ATP9B: variants seen among roughly 807,000 people sequenced by gnomAD.
The protein encoded by ATP9B is ATPase phospholipid transporting 9B, also known as probable phospholipid-transporting ATPase IIB.
Under a neutral mutation model 146.1 loss-of-function variants are expected in ATP9B, and 110 were observed. That is an observed-to-expected ratio of 0.75 (90% CI 0.65 to 0.88). The LOEUF is 0.88. ATP9B is among the 40% of genes least tolerant of loss of function. The probability of loss-of-function intolerance (pLI) is 0.00; values close to 1 mark genes in which losing one functional copy is unlikely to be tolerated. For synonymous variants in ATP9B, 604 were observed against 569.7 expected, an observed-to-expected ratio of 1.06 and a Z score of -0.86; for missense variants, 1,499 against 1,496.4, an observed-to-expected ratio of 1.00 and a Z score of -0.03.
chr18:79,275,721 G>A (rs1320986894), intron 12 of ATP9B, among the ~76,000 whole-genome samples: 1 of 152,236 alleles, frequency 6.6e-6, no homozygotes, highest in African/African-American at 2.4e-5. Context: ...GCTGTGTCCG[G>A]CCTTGAGTGT....
intron 4 of ATP9B, chr18:79,117,278 C>T (rs1213785154): frequency 2.0e-5 from 3 of 152,130 alleles, no homozygotes; most frequent in Non-Finnish European, 4.4e-5. Context: ...AAATCCTGTT[C>T]TAATAGAACT....
chr18:79,190,083 A>G (rs921965420), intron 8 of ATP9B, among the ~76,000 whole-genome samples: 8 of 152,188 alleles, frequency 5.3e-5, no homozygotes, highest in Non-Finnish European at 1.0e-4. Context: ...CCGGGAGCAC[A>G]GTGTGTACTG....
At chr18:79,142,964 G>A (rs2094532062) in intron 5 of ATP9B, among the ~76,000 whole-genome samples, 1 of 152,180 alleles carries the variant, frequency 6.6e-6, no homozygotes, top group East Asian at 1.9e-4. Context: ...ATTTTCCCTT[G>A]TTAGGACAGT....
chr18:79,173,205 A>T (rs556169118), intron 7 of ATP9B, among the ~76,000 whole-genome samples: 4 of 152,250 alleles, frequency 2.6e-5, no homozygotes, highest in African/African-American at 9.6e-5. Context: ...TGATATTGAG[A>T]GTTCTTTATA....
chr18:79,326,428 C>T, intron 15 of ATP9B, among the ~76,000 whole-genome samples: 1 of 144,952 alleles, frequency 6.9e-6, no homozygotes, highest in Non-Finnish European at 1.5e-5. Context: ...TCCCTCCCCT[C>T]ACATGGTGTT....
Position 79,253,366 on chromosome 18 carries a change from G to T in ATP9B, c.1108-15G>T. The T allele has an allele frequency of 6.2e-7, 1 of 1,603,900 alleles. No homozygotes were observed. The highest frequency in any genetic ancestry group is 8.5e-7 in the Non-Finnish European group (1 of 1,176,838). Reference sequence around the variant, plus strand: ...TGTGGTTAGCTTGTTCATGTATTATGTGTTTTTCTTTCAGGTTGGTTTGTT... The same window carrying T: ...TGTGGTTAGCTTGTTCATGTATTATTTGTTTTTCTTTCAGGTTGGTTTGTT... On this transcript the variant is annotated splice_polypyrimidine_tract_variant and intron_variant, in intron 11 of 29. Transcript: ENST00000426216.
At chr18:79,094,326 G>A (rs1599488314) in intron 1 of ATP9B, among the ~76,000 whole-genome samples, 3 of 152,206 alleles carry the variant, frequency 2.0e-5, no homozygotes, top group Admixed American at 6.5e-5. Context: ...TTTCTCCACT[G>A]TCTGGTTTAT....
At chr18:79,139,388 G>C (rs972261769) in intron 5 of ATP9B, among the ~76,000 whole-genome samples, 4 of 152,158 alleles carry the variant, frequency 2.6e-5, no homozygotes, top group African/African-American at 9.7e-5. Flanking sequence ...TTTGCAGCAG[G>C]ATGTTTTATA....
chr18:79,292,822 A>G (rs2096520073), intron 13 of ATP9B, among the ~76,000 whole-genome samples: 1 of 151,988 alleles, frequency 6.6e-6, no homozygotes, highest in South Asian at 2.1e-4. Flanking sequence ...CAGTGGCACA[A>G]TTGTGGGTCA....
chr18:79,080,413 G>A (rs1218824504), intron 1 of ATP9B, among the ~76,000 whole-genome samples: 1 of 151,846 alleles, frequency 6.6e-6, no homozygotes, highest in Non-Finnish European at 1.5e-5. Flanking sequence ...AGTTGTGAAT[G>A]GAAATTCACT....
intron 12 of ATP9B, among the ~76,000 whole-genome samples, chr18:79,262,806 A>G (rs1016530008): frequency 1.3e-5 from 2 of 152,232 alleles, no homozygotes; most frequent in Non-Finnish European, 2.9e-5. Flanking sequence ...TTAAGGTGCC[A>G]TACACGCTTA....
At chr18:79,347,978 G>A (rs2096899983) in intron 24 of ATP9B, 53 bp downstream of exon 24, 1 of 1,605,372 alleles carries the variant, frequency 6.2e-7, no homozygotes, top group African/African-American at 1.3e-5. Flanking sequence ...AGGAAGGGCA[G>A]GGTCCGGGAA....
At chr18:79,347,081 C>T (rs2096893580) in intron 23 of ATP9B, among the ~76,000 whole-genome samples, 1 of 152,216 alleles carries the variant, frequency 6.6e-6, no homozygotes, top group African/African-American at 2.4e-5. Context: ...TCCATGGCCT[C>T]CCTCCTGTTT....
rs548906194 is a variant in ATP9B at position 79,081,998 on chromosome 18, G to A, written c.119+12469G>A. Among the ~76,000 whole-genome samples the A allele has an allele frequency of 2.3e-4, 35 of 152,272 alleles. 1 individual carries two copies. In the South Asian group the frequency reaches 7.0e-3, roughly 31 times the overall value. On this transcript the variant is annotated intron_variant, in intron 1 of 29. Coordinates refer to ENST00000426216, the MANE Select transcript of ATP9B (RefSeq NM_198531.5). ...GTTCTCCCGGATAATATCCTGCAGA[G>A]TGTTTTCCAACTTGGTTCCATTCTC...
rs775058028 is a variant in ATP9B, at chr18:79,209,227, A to T, written c.1030+2215A>T. Among the ~76,000 whole-genome samples, 7 of 152,230 alleles carry T rather than the reference A, an allele frequency of 4.6e-5. No individual in the cohort carries two copies. The South Asian group carries it at 8.3e-4, about 18-fold the overall frequency. On this transcript the variant is annotated intron_variant, in intron 10 of 29. Transcript: ENST00000426216. ...CGGCCTTCAGTAGTTACACGAAAGC[A>T]TTTATGATACAGGACTCAGAAGCTG...
Position 79,377,797 on chromosome 18 carries a change from CGG to C in ATP9B, c.*416_*417del. ...CTAGGCAAGCCCAGGGCACAGATGCCGGGATGGCCCCTCCCTCTCAGTGCGGG... is the reference window on the plus strand; with the variant it reads ...CTAGGCAAGCCCAGGGCACAGATGCCGATGGCCCCTCCCTCTCAGTGCGGG... On this transcript the variant is annotated 3_prime_UTR_variant, in exon 30 of 30. Transcript: ENST00000426216. 5.9e-6 allele frequency: 1 copy of C among 169,320 alleles called. No homozygotes were observed. The highest frequency in any genetic ancestry group is 2.5e-5 in the African/African-American group (1 of 40,324). The allele number at this position is 169,320 out of a possible 1,614,324, so 10.5% of individuals were successfully genotyped here.
chr18:79,372,468 A>C, intron 26 of ATP9B: 1 of 421,518 alleles, frequency 2.4e-6, no homozygotes, highest in South Asian at 1.8e-5. Flanking sequence ...ATTTGTTGAC[A>C]AGAAATAAGG....
At chr18:79,072,326 A>T (rs2071952849) in intron 1 of ATP9B, among the ~76,000 whole-genome samples, 1 of 152,044 alleles carries the variant, frequency 6.6e-6, no homozygotes, top group African/African-American at 2.4e-5. Flanking sequence ...GTCCCTGGGT[A>T]CTTGAGATTA....
intron 13 of ATP9B, among the ~76,000 whole-genome samples, chr18:79,281,799 G>A (rs927459280): frequency 3.3e-5 from 5 of 152,308 alleles, no homozygotes; most frequent in South Asian, 4.1e-4. Flanking sequence ...CAAGGCAGGC[G>A]GATCACCGGA....
Sources: gnomAD v4.1 joint callset for allele counts (sites outside exome capture counted in the v4.1 genomes callset) on GRCh38, gnomAD v4.1.1 for gene constraint, MANE v1.5 for transcripts, NCBI Gene and HGNC (gene_info 2026-07-23, HGNC 2026-07-21) for gene names.